The following CCNJL variants were observed in gnomAD, a reference collection of about 807,000 sequenced individuals.
CCNJL encodes the protein cyclin J like, also known as cyclin-J-like protein.
In CCNJL, 33 loss-of-function variants were observed where a neutral mutation model predicts 33.4. The ratio of observed to expected loss-of-function variants is 0.99; its 90% CI spans 0.75 to 1.32. The LOEUF (loss-of-function observed/expected upper bound fraction) is 1.32. Ranked by LOEUF, CCNJL falls within the 40% of genes most tolerant of loss-of-function variation. The probability of loss-of-function intolerance (pLI) is 0.00; values close to 1 mark genes in which losing one functional copy is unlikely to be tolerated. For missense variants in CCNJL, 512 were observed against 499.7 expected (o/e 1.02, Z -0.23); for synonymous variants, 227 against 220.9 (o/e 1.03, Z -0.24).
exon 1 of CCNJL, chr5:160,339,565 T>C (rs1056567211): frequency 2.3e-6 from 1 of 441,548 alleles, no homozygotes; most frequent in South Asian, 1.6e-5. Flanking sequence ...CCATTAGTGC[T>C]GACACAGAAA....
At chr5:160,271,999 C>T (rs531569120) in intron 3 of CCNJL, among the ~76,000 whole-genome samples, 52 of 152,186 alleles carry the variant, frequency 3.4e-4, no homozygotes, top group Non-Finnish European at 5.6e-4. Context: ...CAGAAATACA[C>T]CCCTGAAAAA....
intron 3 of CCNJL, chr5:160,274,959 G>A (rs1000571279): frequency 1.8e-4 from 28 of 152,236 alleles, no homozygotes; most frequent in African/African-American, 5.8e-4. Flanking sequence ...AAGGAAGAGA[G>A]GGAATCTGGC....
intron 1 of CCNJL, among the ~76,000 whole-genome samples, chr5:160,331,783 C>T (rs372355366): frequency 6.6e-6 from 1 of 152,278 alleles, no homozygotes; most frequent in African/African-American, 2.4e-5. Context: ...AGTAAAGTCA[C>T]CATCATTAAG....
chr5:160,267,813 C>T (rs766268864), intron 3 of CCNJL, among the ~76,000 whole-genome samples: 4 of 152,220 alleles, frequency 2.6e-5, no homozygotes, highest in African/African-American at 7.2e-5. Flanking sequence ...CTTCCTGCTT[C>T]GGCTTCCCAA....
intron 3 of CCNJL, among the ~76,000 whole-genome samples, chr5:160,275,748 C>T (rs1761987571): frequency 6.6e-6 from 1 of 152,198 alleles, no homozygotes; most frequent in Non-Finnish European, 1.5e-5. Flanking sequence ...AGCAAAAGGT[C>T]ACCTCTTGCC....
intron 5 of CCNJL, 81 bp downstream of exon 5, chr5:160,255,468 A>G (rs1761018796): frequency 7.4e-7 from 1 of 1,353,412 alleles, no homozygotes; most frequent in African/African-American, 1.4e-5. Context: ...GACTCTGGAA[A>G]CTGCCCGTGG....
At chr5:160,315,022 A>G (rs927728423), upstream of CCNJL, among the ~76,000 whole-genome samples, 6 of 152,338 alleles carry the variant, frequency 3.9e-5, no homozygotes, top group African/African-American at 1.4e-4. Context: ...ATTCTTTTAA[A>G]AAAAGCAGAT....
rs1760794321 is a variant in CCNJL, at chr5:160,251,284, T to C, written c.*2094A>G. ...TGGGCCTGCCCTACAGATTTTGAAC[T>C]CTACTGCAACATCAGCTCTTACCTG... On this transcript the variant is annotated 3_prime_UTR_variant, in exon 6 of 6. Coordinates refer to ENST00000257536, the MANE Select transcript of CCNJL (RefSeq NM_001308173.3). 6.6e-6 allele frequency: 1 copy of C among 152,198 alleles called. No homozygotes were observed. The highest frequency in any genetic ancestry group is 2.4e-5 in the African/African-American group (1 of 41,446). The allele number at this position is 152,198 out of a possible 1,614,324, so 9.4% of individuals were successfully genotyped here.
intron 1 of CCNJL, among the ~76,000 whole-genome samples, chr5:160,339,032 C>T (rs568696981): frequency 3.5e-4 from 53 of 152,198 alleles, no homozygotes; most frequent in African/African-American, 1.1e-3. Flanking sequence ...TGTGATCCAC[C>T]CACCTCGGAC....
intron 2 of CCNJL, among the ~76,000 whole-genome samples, chr5:160,290,158 G>A (rs1235413981): frequency 1.3e-5 from 2 of 152,142 alleles, no homozygotes; most frequent in Non-Finnish European, 2.9e-5. Flanking sequence ...TTAACTTTTA[G>A]TGTCCTGCAC....
intron 1 of CCNJL, among the ~76,000 whole-genome samples, chr5:160,333,380 T>A (rs1763634912): frequency 6.6e-6 from 1 of 151,952 alleles, no homozygotes; most frequent in Non-Finnish European, 1.5e-5. Context: ...CACTTCAGCC[T>A]CCCAAAGTGC....
intron 1 of CCNJL, among the ~76,000 whole-genome samples, chr5:160,328,747 G>T (rs1763570294): frequency 6.6e-6 from 1 of 151,882 alleles, no homozygotes; most frequent in Non-Finnish European, 1.5e-5. Context: ...GTGCGTGGTG[G>T]TATGTGCCTG....
rs990854900 is a variant in CCNJL at position 160,249,135 on chromosome 5, G to A, written c.*4243C>T. 6 of 152,194 alleles carry A rather than the reference G, an allele frequency of 3.9e-5. No homozygotes were observed. Among genetic ancestry groups the A allele is most frequent in the African/African-American group, 1.4e-4 (6 of 41,438 alleles). The allele number at this position is 152,194 out of a possible 1,614,324, so 9.4% of individuals were successfully genotyped here. On this transcript the variant is annotated 3_prime_UTR_variant, in exon 6 of 6. Transcript: ENST00000257536. ...TGATTTTTTGCCTAGTGTATTTCATGAGGAGGTCAGCTCATTTGCTCCCAT... is the reference window on the plus strand; with the variant it reads ...TGATTTTTTGCCTAGTGTATTTCATAAGGAGGTCAGCTCATTTGCTCCCAT...
chr5:160,302,450 G>A (rs73819804), intron 2 of CCNJL, among the ~76,000 whole-genome samples: 1,813 of 152,154 alleles, frequency 0.012, 49 homozygotes, highest in African/African-American at 0.042. Flanking sequence ...TACAATTAGC[G>A]AAATATATCA....
At chr5:160,266,473 C>T (rs1168197959) in intron 3 of CCNJL, among the ~76,000 whole-genome samples, 1 of 152,172 alleles carries the variant, frequency 6.6e-6, no homozygotes, top group Non-Finnish European at 1.5e-5. Context: ...GGGGGAGGTC[C>T]CCACCAGAAA....
chr5:160,298,965 G>A (rs1361329936), intron 2 of CCNJL, among the ~76,000 whole-genome samples: 2 of 151,954 alleles, frequency 1.3e-5, no homozygotes, highest in East Asian at 1.9e-4. Flanking sequence ...GAACACTTAC[G>A]TATTTTATAT....
At chr5:160,289,155 A>G (rs116412324) in intron 2 of CCNJL, among the ~76,000 whole-genome samples, 4,961 of 151,786 alleles carry the variant, frequency 0.033, 259 homozygotes, top group African/African-American at 0.11. Context: ...CCTCCCTCCT[A>G]CCCAGCAGCC....
Position 160,286,271 on chromosome 5 carries a change from T to C in CCNJL, c.67-5533A>G, listed in dbSNP as rs1270408442. On this transcript the variant is annotated intron_variant, in intron 2 of 5. Transcript: ENST00000257536. ...AGAACTCAAGGCAACACAAAGAACG[T>C]CTTTCCTGTACGTGTTCCTGGGAGA... 2.6e-5 allele frequency among the ~76,000 whole-genome samples: 4 copies of C among 152,332 alleles called. No homozygotes were observed. The East Asian group carries it at 7.7e-4, about 29-fold the overall frequency.
At position 160,253,238 on chromosome 5, in the gene CCNJL, T is replaced by C. The variant is rs1760885128; in HGVS notation, c.*140A>G. On this transcript the variant is annotated 3_prime_UTR_variant, in exon 6 of 6. Transcript: ENST00000257536. ...ATGTTTTGCTCTGGGTCAGTTTTAT[T>C]TAAAAGGAGCACAGACCCTCCACGT... 2.8e-6 allele frequency: 2 copies of C among 722,920 alleles called. No homozygotes were observed. Among genetic ancestry groups the C allele is most frequent in the Admixed American group, 3.4e-5 (1 of 29,644 alleles). The allele number at this position is 722,920 out of a possible 1,614,324, so 44.8% of individuals were successfully genotyped here. A position where few individuals can be genotyped will look rare whatever the true frequency, so the allele number is the denominator to read the frequency against.
Sources: gnomAD v4.1 joint callset for allele counts (sites outside exome capture counted in the v4.1 genomes callset) on GRCh38, gnomAD v4.1.1 for gene constraint, MANE v1.5 for transcripts, NCBI Gene and HGNC (gene_info 2026-07-23, HGNC 2026-07-21) for gene names.